Variants in LRBA observed in about 807,000 individuals in gnomAD.
LRBA encodes lipopolysaccharide-responsive and beige-like anchor protein.
LRBA carries 176 observed loss-of-function variants against 330.0 expected under a neutral mutation model. The ratio of observed to expected loss-of-function variants is 0.53; its 90% CI spans 0.47 to 0.60. The LOEUF is 0.60. Among genes scored for constraint, LRBA ranks in the 20% least tolerant of loss-of-function variants. The pLI is 0.00. For missense variants in LRBA, 3,259 were observed against 3,444.8 expected (o/e 0.95, Z 1.35); for synonymous variants, 1,230 against 1,193.0 (o/e 1.03, Z -0.64).
rs959501966 is a variant in LRBA, at chr4:150,417,691, CCT to C, written c.7042-2103_7042-2102del. Among the ~76,000 whole-genome samples the C allele has an allele frequency of 6.1e-4, 92 of 152,050 alleles. 1 individual carries two copies. Among genetic ancestry groups the C allele is most frequent in the Admixed American group, 5.8e-3 (88 of 15,256 alleles). ...GATGAATTTTAAGTGCTAGTTTTCC[CCT>C]GAGTTTTAAAATTTGAGAGATGCAT... On this transcript the variant is annotated intron_variant, in intron 46 of 56. Transcript: ENST00000651943.
Position 150,844,183 on chromosome 4 carries a change from C to A in LRBA, c.4486G>T (p.Gly1496Cys), listed in dbSNP as rs765227496. Reference sequence around the variant, plus strand: ...TCAAGATCTCTTACTGGAGATATACCGCCAGTCACAATGTCCACTGGGCTC... The same window carrying A: ...TCAAGATCTCTTACTGGAGATATACAGCCAGTCACAATGTCCACTGGGCTC... ...AKSPVDIVTGGISPVRDLDRL... is the reference protein window; with the variant it reads ...AKSPVDIVTGCISPVRDLDRL... Residue 1496 changes from glycine (G) to cysteine (C), a missense_variant, in exon 28 of 57, where the codon GGT (glycine) becomes TGT (cysteine). Transcript: ENST00000651943. 3.1e-6 allele frequency: 5 copies of A among 1,606,960 alleles called. No individual in the cohort carries two copies. The East Asian group carries it at 1.1e-4, about 36-fold the overall frequency.
At chr4:150,520,047 A>C (rs987161765) in intron 40 of LRBA, among the ~76,000 whole-genome samples, 1 of 151,994 alleles carries the variant, frequency 6.6e-6, no homozygotes, top group African/African-American at 2.4e-5. Flanking sequence ...TTTATTATTG[A>C]TTTGCTAATA....
intron 40 of LRBA, among the ~76,000 whole-genome samples, chr4:150,566,850 A>T (rs1402142676): frequency 6.6e-6 from 1 of 152,124 alleles, no homozygotes; most frequent in Non-Finnish European, 1.5e-5. Context: ...GCTGAAATCA[A>T]ATCAGAAATT....
At chr4:150,573,668 G>A (rs1455897958) in intron 40 of LRBA, among the ~76,000 whole-genome samples, 1 of 152,170 alleles carries the variant, frequency 6.6e-6, no homozygotes, top group Admixed American at 6.5e-5. Context: ...GAAAGGAGGT[G>A]TTGAAATTAT....
At chr4:150,408,641 T>G (rs1188069798) in intron 47 of LRBA, among the ~76,000 whole-genome samples, 2 of 152,090 alleles carry the variant, frequency 1.3e-5, no homozygotes, top group African/African-American at 4.8e-5. Context: ...TCCTCAAAAG[T>G]AGTAATTCCT....
chr4:150,382,934 G>C (rs556312723), intron 47 of LRBA, among the ~76,000 whole-genome samples: 1 of 152,280 alleles, frequency 6.6e-6, no homozygotes, highest in African/African-American at 2.4e-5. Context: ...CAAAATTTTT[G>C]TGGGCTGCTA....
chr4:150,906,523 T>A, intron 11 of LRBA, 118 bp from the exon 12 acceptor site: 1 of 583,182 alleles, frequency 1.7e-6, no homozygotes, highest in Non-Finnish European at 3.0e-6. Context: ...TCAAAGAAAT[T>A]GAAGCTCCAC....
At chr4:150,731,514 C>T (rs1267495275) in intron 36 of LRBA, among the ~76,000 whole-genome samples, 1 of 152,142 alleles carries the variant, frequency 6.6e-6, no homozygotes, top group East Asian at 1.9e-4. Context: ...AAATGGAGAT[C>T]ATTATGTTAA....
chr4:150,729,461 A>AT (rs1730147714), intron 36 of LRBA, among the ~76,000 whole-genome samples: 1 of 152,214 alleles, frequency 6.6e-6, no homozygotes, highest in African/African-American at 2.4e-5. Context: ...GATCTCTATA[A>AT]TAAAAACTAT....
rs1212252752 is a variant in LRBA at position 150,639,736 on chromosome 4, AATATAT to A, written c.5922-40611_5922-40606del. On this transcript the variant is annotated intron_variant, in intron 37 of 56. Coordinates refer to ENST00000651943, the MANE Select transcript of LRBA (RefSeq NM_001364905.1). ...GAAGATAATCTGAGCCTATGCCCCA[AATATAT>A]ATATATATATATATATATATATATA... Among the ~76,000 whole-genome samples, 54 of 51,158 alleles carry A rather than the reference AATATAT, an allele frequency of 1.1e-3. 3 individuals are homozygous for A. Among genetic ancestry groups the A allele is most frequent in the African/African-American group, 3.9e-3 (47 of 12,016 alleles). The allele number at this position is 51,158 out of a possible 152,430, so 33.6% of individuals were successfully genotyped here. A position where few individuals can be genotyped will look rare whatever the true frequency, so the allele number is the denominator to read the frequency against.
At chr4:150,325,694 T>TA (rs968661989) in intron 49 of LRBA, 115 bp downstream of exon 49, 59 of 711,544 alleles carry the variant, frequency 8.3e-5, no homozygotes, top group Non-Finnish European at 1.4e-4. Flanking sequence ...AAATATTGCA[T>TA]AAAAAAACAA....
chr4:150,549,934 G>A (rs902043270), intron 40 of LRBA, among the ~76,000 whole-genome samples: 5 of 152,274 alleles, frequency 3.3e-5, no homozygotes, highest in South Asian at 2.1e-4. Flanking sequence ...AGGGAACTAC[G>A]AATCCTGGCC....
At chr4:150,430,511 A>C (rs1330892270) in intron 46 of LRBA, among the ~76,000 whole-genome samples, 1 of 152,126 alleles carries the variant, frequency 6.6e-6, no homozygotes, top group East Asian at 1.9e-4. Context: ...TACTGTACTA[A>C]ATTGCTGGGA....
intron 2 of LRBA, among the ~76,000 whole-genome samples, chr4:150,990,663 G>A (rs1265723379): frequency 3.3e-5 from 5 of 152,202 alleles, no homozygotes; most frequent in South Asian, 4.1e-4. Context: ...TTGAGCCCAG[G>A]AGGTTGAGGC....
rs1342581374 is a variant in LRBA at position 150,457,746 on chromosome 4, T to C, written c.6780+9927A>G. Among the ~76,000 whole-genome samples, 3 of 152,064 alleles carry C rather than the reference T, an allele frequency of 2.0e-5. No individual in the cohort carries two copies. In the East Asian group the frequency reaches 5.8e-4, roughly 29 times the overall value. On this transcript the variant is annotated intron_variant, in intron 44 of 56. Coordinates refer to ENST00000651943, the MANE Select transcript of LRBA (RefSeq NM_001364905.1). ...ATTTCCTAGGTGTTTTGAAAATAGT[T>C]CCTATGTAAATTCACAGTAGATATT...
intron 47 of LRBA, among the ~76,000 whole-genome samples, chr4:150,408,345 A>T (rs192950310): frequency 3.4e-4 from 52 of 152,176 alleles, no homozygotes; most frequent in East Asian, 7.7e-4. Context: ...GAAAAAATTT[A>T]AAAAAAATCT....
intron 44 of LRBA, among the ~76,000 whole-genome samples, chr4:150,450,930 C>T (rs947321666): frequency 1.3e-5 from 2 of 151,830 alleles, no homozygotes; most frequent in East Asian, 1.9e-4. Context: ...ACTCAAGAGG[C>T]GAGGCATGAG....
intron 34 of LRBA, among the ~76,000 whole-genome samples, chr4:150,772,760 T>A (rs960664695): frequency 6.6e-6 from 1 of 152,292 alleles, no homozygotes; most frequent in Admixed American, 6.5e-5. Flanking sequence ...TGAAGCACCA[T>A]TAGATCTCCT....
chr4:150,926,180 C>T (rs1733860803), intron 4 of LRBA, among the ~76,000 whole-genome samples: 1 of 152,152 alleles, frequency 6.6e-6, no homozygotes, highest in Admixed American at 6.5e-5. Flanking sequence ...CCAGACTGAT[C>T]ATGCTTATGA....
Sources: gnomAD v4.1 joint callset for allele counts (sites outside exome capture counted in the v4.1 genomes callset) on GRCh38, gnomAD v4.1.1 for gene constraint, MANE v1.5 for transcripts, NCBI Gene and HGNC (gene_info 2026-07-23, HGNC 2026-07-21) for gene names.